The following PCDH9 variants were observed in gnomAD, a reference collection of about 807,000 sequenced individuals.
PCDH9 encodes protocadherin 9, also known as protocadherin-9.
In PCDH9, 24 loss-of-function variants were observed where a neutral mutation model predicts 70.6. The observed-to-expected ratio is 0.34, with a 90% CI of 0.25 to 0.48. The LOEUF is 0.48. PCDH9 is among the 20% of genes least tolerant of loss of function. The pLI is 0.99. For synonymous variants in PCDH9, 562 were observed against 558.5 expected (o/e 1.01, Z -0.09); for missense variants, 1,281 against 1,503.6 (o/e 0.85, Z 2.45).
At chr13:67,053,045 G>A (rs1256525711) in intron 2 of PCDH9, among the ~76,000 whole-genome samples, 2 of 152,172 alleles carry the variant, frequency 1.3e-5, no homozygotes, top group Admixed American at 6.5e-5. Context: ...TTTGAGCTAC[G>A]GAATGCCTTG....
At chr13:66,713,091 C>A (rs866270446) in intron 3 of PCDH9, among the ~76,000 whole-genome samples, 3 of 152,222 alleles carry the variant, frequency 2.0e-5, no homozygotes, top group South Asian at 2.1e-4. Context: ...TTTTAGGCAG[C>A]ATTACATAGT....
At chr13:66,536,238 A>C (rs1335981153) in intron 4 of PCDH9, among the ~76,000 whole-genome samples, 4 of 152,068 alleles carry the variant, frequency 2.6e-5, no homozygotes, top group Non-Finnish European at 5.9e-5. Context: ...AAGGTCTTAC[A>C]CCTCAGGGAG....
chr13:66,761,133 C>T (rs1328762307), intron 3 of PCDH9, among the ~76,000 whole-genome samples: 1 of 151,380 alleles, frequency 6.6e-6, no homozygotes, highest in Non-Finnish European at 1.5e-5. Context: ...CGACCCACAC[C>T]CTATTCGTAC....
At chr13:66,565,260 G>T (rs2076636862) in intron 4 of PCDH9, among the ~76,000 whole-genome samples, 1 of 152,130 alleles carries the variant, frequency 6.6e-6, no homozygotes, top group Non-Finnish European at 1.5e-5. Context: ...TCACCCTTAT[G>T]CTGAGAACAT....
At chr13:66,342,362 G>A (rs552018965) in intron 4 of PCDH9, among the ~76,000 whole-genome samples, 2 of 152,172 alleles carry the variant, frequency 1.3e-5, no homozygotes, top group Admixed American at 6.5e-5. Context: ...AGCTAAATGC[G>A]TTTTACAACT....
chr13:66,779,879 G>GACA (rs1566189556), intron 3 of PCDH9, among the ~76,000 whole-genome samples: 14 of 125,016 alleles, frequency 1.1e-4, no homozygotes, highest in Non-Finnish European at 2.2e-4. Flanking sequence ...ATATATGTGT[G>GACA]TGTGTGTGTG....
At chr13:66,870,904 C>T (rs1181516032) in intron 3 of PCDH9, among the ~76,000 whole-genome samples, 17 of 152,052 alleles carry the variant, frequency 1.1e-4, no homozygotes, top group Admixed American at 1.1e-3. Context: ...ACCCAAAGGA[C>T]TATAAATCAT....
chr13:66,815,617 G>A lies in PCDH9; in HGVS notation c.3138+87887C>T, dbSNP rs9571675. ...TAAAGAGAACAAGACCGTGTCCTTT[G>A]CAGGATACTGTAGGCCAGTATCCTA... On this transcript the variant is annotated intron_variant, in intron 3 of 4. Coordinates refer to ENST00000377865, the MANE Select transcript of PCDH9 (RefSeq NM_203487.3). Among the ~76,000 whole-genome samples, 782 of 152,194 alleles carry A rather than the reference G, an allele frequency of 5.1e-3. 11 individuals carry two copies. Among genetic ancestry groups the A allele is most frequent in the East Asian group, 0.027 (142 of 5,168 alleles).
intron 3 of PCDH9, among the ~76,000 whole-genome samples, chr13:66,725,785 T>A (rs2078997958): frequency 6.6e-6 from 1 of 152,158 alleles, no homozygotes; most frequent in South Asian, 2.1e-4. Flanking sequence ...GACACGCATT[T>A]ACAAATAGAG....
In PCDH9 at chr13:66,997,164, TA is replaced by T. The variant is rs149006767; in HGVS notation, c.3037-93560del. Among the ~76,000 whole-genome samples, 508 of 152,312 alleles carry T rather than the reference TA, an allele frequency of 3.3e-3. 2 individuals carry two copies. Among genetic ancestry groups the T allele is most frequent in the African/African-American group, 0.011 (467 of 41,586 alleles). On this transcript the variant is annotated intron_variant, in intron 2 of 4. Coordinates refer to ENST00000377865, the MANE Select transcript of PCDH9 (RefSeq NM_203487.3). ...GTGTGTTCGTTCATTTGCATTGCTATAAACGAATACCTGAGGCTGGGTAATT... is the reference window on the plus strand; with the variant it reads ...GTGTGTTCGTTCATTTGCATTGCTATAACGAATACCTGAGGCTGGGTAATT...
intron 3 of PCDH9, among the ~76,000 whole-genome samples, chr13:66,777,670 G>T (rs369731019): frequency 2.4e-4 from 37 of 152,230 alleles, no homozygotes; most frequent in South Asian, 8.3e-4. Flanking sequence ...GGAACACTTT[G>T]ACACTGTTGG....
chr13:66,336,259 ATT>A (rs879606589), intron 4 of PCDH9, among the ~76,000 whole-genome samples: 3 of 146,276 alleles, frequency 2.1e-5, no homozygotes, highest in East Asian at 2.0e-4. Flanking sequence ...GCTTTGCAGG[ATT>A]TTTTTTTTTT....
At chr13:67,222,725 G>A (rs1043200631) in intron 2 of PCDH9, 2 of 152,044 alleles carry the variant, frequency 1.3e-5, no homozygotes, top group Non-Finnish European at 2.9e-5. Context: ...GAAAGTTTTT[G>A]TAGCAAGAAA....
intron 3 of PCDH9, among the ~76,000 whole-genome samples, chr13:66,632,341 C>T (rs907145500): frequency 1.3e-5 from 2 of 152,156 alleles, no homozygotes; most frequent in African/African-American, 2.4e-5. Context: ...TAATGAAGTT[C>T]TATGCAATTG....
rs1240289005 is a variant in PCDH9 at position 66,402,586 on chromosome 13, C to T, written c.3341-97558G>A. 2.0e-5 allele frequency among the ~76,000 whole-genome samples: 3 copies of T among 152,078 alleles called. No homozygotes were observed. In the East Asian group the frequency reaches 5.8e-4, roughly 29 times the overall value. ...CCTGAATCTTTGATTTATCAAATTGCCTTAATGGATGCAGCAGAGATGTCA... is the reference window on the plus strand; with the variant it reads ...CCTGAATCTTTGATTTATCAAATTGTCTTAATGGATGCAGCAGAGATGTCA... On this transcript the variant is annotated intron_variant, in intron 4 of 4. Transcript: ENST00000377865.
At chr13:66,357,182 A>T (rs995050980) in intron 4 of PCDH9, among the ~76,000 whole-genome samples, 2 of 152,052 alleles carry the variant, frequency 1.3e-5, no homozygotes, top group Admixed American at 6.6e-5. Context: ...TACCCTAACC[A>T]TCATAAAGAA....
At chr13:66,997,693 C>T (rs1028468931) in intron 2 of PCDH9, among the ~76,000 whole-genome samples, 2 of 152,102 alleles carry the variant, frequency 1.3e-5, no homozygotes, top group Non-Finnish European at 2.9e-5. Flanking sequence ...CATCACCATG[C>T]CTAGCTAATT....
intron 3 of PCDH9, among the ~76,000 whole-genome samples, chr13:66,713,259 A>T (rs2139134061): frequency 6.6e-6 from 1 of 152,258 alleles, no homozygotes; most frequent in East Asian, 1.9e-4. Context: ...TTTAAATTAT[A>T]TACCTTGTAA....
intron 4 of PCDH9, among the ~76,000 whole-genome samples, chr13:66,562,744 G>A (rs1178425892): frequency 1.3e-5 from 2 of 152,146 alleles, no homozygotes; most frequent in African/African-American, 4.8e-5. Context: ...TGGTATCAAT[G>A]CCTGAGTGGT....
Sources: gnomAD v4.1 joint callset for allele counts (sites outside exome capture counted in the v4.1 genomes callset) on GRCh38, gnomAD v4.1.1 for gene constraint, MANE v1.5 for transcripts, NCBI Gene and HGNC (gene_info 2026-07-23, HGNC 2026-07-21) for gene names.